Variants in MYRIP observed in about 807,000 individuals in gnomAD.
The protein encoded by MYRIP is rab effector MyRIP.
MYRIP carries 49 observed loss-of-function variants against 98.0 expected under a neutral mutation model. The ratio of observed to expected loss-of-function variants is 0.50; its 90% CI spans 0.40 to 0.63. The LOEUF (loss-of-function observed/expected upper bound fraction) is 0.63, where lower values mean the gene tolerates loss of function less well. MYRIP is among the 30% of genes least tolerant of loss of function. MYRIP has a pLI of 0.00. For synonymous variants in MYRIP, 404 were observed against 409.5 expected, an observed-to-expected ratio of 0.99 and a Z score of 0.16; for missense variants, 1,004 against 1,058.2, an observed-to-expected ratio of 0.95 and a Z score of 0.71.
At chr3:40,021,002 C>T (rs1315440467) in intron 2 of MYRIP, among the ~76,000 whole-genome samples, 2 of 152,108 alleles carry the variant, frequency 1.3e-5, no homozygotes, top group African/African-American at 4.8e-5. Flanking sequence ...CTCTTCTCTA[C>T]CTCCACAGAT....
At chr3:39,956,475 A>G (rs1559536047) in intron 2 of MYRIP, among the ~76,000 whole-genome samples, 2 of 152,208 alleles carry the variant, frequency 1.3e-5, no homozygotes, top group Non-Finnish European at 2.9e-5. Flanking sequence ...GTTCTTTGAA[A>G]CCAACAAGAA....
intron 9 of MYRIP, among the ~76,000 whole-genome samples, chr3:40,185,502 C>G (rs1018668001): frequency 6.6e-6 from 1 of 151,956 alleles, no homozygotes; most frequent in African/African-American, 2.4e-5. Flanking sequence ...CCTGATGGAC[C>G]GGGAGACTGT....
At chr3:40,146,096 T>A (rs944513022) in intron 3 of MYRIP, among the ~76,000 whole-genome samples, 6 of 152,226 alleles carry the variant, frequency 3.9e-5, no homozygotes, top group African/African-American at 1.2e-4. Context: ...ATATACTGAT[T>A]ATTGTTGTAA....
intron 2 of MYRIP, among the ~76,000 whole-genome samples, chr3:39,958,659 A>C (rs1559537249): frequency 6.6e-6 from 1 of 152,240 alleles, no homozygotes; most frequent in Non-Finnish European, 1.5e-5. Flanking sequence ...CAATGGCAAC[A>C]AAAGCCAAAA....
At chr3:40,006,657 G>T (rs1946642677) in intron 2 of MYRIP, among the ~76,000 whole-genome samples, 1 of 152,150 alleles carries the variant, frequency 6.6e-6, no homozygotes, top group South Asian at 2.1e-4. Context: ...CTTCCTGGGA[G>T]TTTTCATGTT....
intron 1 of MYRIP, among the ~76,000 whole-genome samples, chr3:39,888,413 A>G (rs1046865131): frequency 2.0e-4 from 30 of 151,936 alleles, no homozygotes; most frequent in African/African-American, 7.0e-4. Context: ...AACCTGAGAA[A>G]AACAAGCAAT....
chr3:40,154,088 C>T (rs1347977180), intron 4 of MYRIP, among the ~76,000 whole-genome samples: 6 of 150,948 alleles, frequency 4.0e-5, no homozygotes, highest in South Asian at 2.1e-4. Context: ...TGCAGTGAGC[C>T]GAGATTGCAC....
intron 5 of MYRIP, among the ~76,000 whole-genome samples, chr3:40,166,080 C>T (rs748953751): frequency 6.6e-6 from 1 of 152,140 alleles, no homozygotes; most frequent in African/African-American, 2.4e-5. Context: ...AAACTCTGGG[C>T]TTGGTGCCTG....
intron 12 of MYRIP, among the ~76,000 whole-genome samples, chr3:40,241,560 T>C (rs1953015667): frequency 6.6e-6 from 1 of 152,174 alleles, no homozygotes; most frequent in African/African-American, 2.4e-5. Flanking sequence ...GAGATACATA[T>C]TAGTACATTA....
chr3:39,873,458 T>A (rs929900876), intron 1 of MYRIP, among the ~76,000 whole-genome samples: 2 of 152,216 alleles, frequency 1.3e-5, no homozygotes, highest in African/African-American at 4.8e-5. Context: ...CTTCTAGGAT[T>A]TTTATGGTTT....
At chr3:40,213,467 T>TG (rs1313291331) in intron 11 of MYRIP, among the ~76,000 whole-genome samples, 1 of 152,182 alleles carries the variant, frequency 6.6e-6, no homozygotes, top group Non-Finnish European at 1.5e-5. Context: ...TGTCATGCTG[T>TG]GGGTCTGTAA....
chr3:40,012,605 G>A (rs1946783340), intron 2 of MYRIP, among the ~76,000 whole-genome samples: 1 of 152,190 alleles, frequency 6.6e-6, no homozygotes, highest in Non-Finnish European at 1.5e-5. Flanking sequence ...TAGTGAAGCA[G>A]ATCATTCTCC....
intron 3 of MYRIP, among the ~76,000 whole-genome samples, chr3:40,107,659 A>T (rs1196970524): frequency 1.3e-5 from 2 of 152,200 alleles, no homozygotes; most frequent in Admixed American, 1.3e-4. Flanking sequence ...CAAAAATTAT[A>T]GGTATCCCTG....
intron 1 of MYRIP, among the ~76,000 whole-genome samples, chr3:39,878,042 G>T (rs1254427705): frequency 5.9e-5 from 9 of 152,338 alleles, no homozygotes; most frequent in African/African-American, 2.2e-4. Context: ...AGCAAGCCTG[G>T]GCAATGGCAG....
At chr3:40,178,362 A>G (rs1950813977) in intron 8 of MYRIP, among the ~76,000 whole-genome samples, 1 of 152,314 alleles carries the variant, frequency 6.6e-6, no homozygotes, top group East Asian at 1.9e-4. Flanking sequence ...AAGCTTCGGG[A>G]CCAGTTGGTT....
At chr3:40,147,146 T>C (rs762652302) in intron 3 of MYRIP, among the ~76,000 whole-genome samples, 20 of 152,218 alleles carry the variant, frequency 1.3e-4, no homozygotes, top group Non-Finnish European at 2.6e-4. Flanking sequence ...CTTTAATGAA[T>C]AGTTCACTTT....
intron 1 of MYRIP, among the ~76,000 whole-genome samples, chr3:39,849,514 G>A (rs773374126): frequency 9.2e-5 from 14 of 152,302 alleles, no homozygotes; most frequent in Admixed American, 4.6e-4. Flanking sequence ...CAGCCTTCCC[G>A]GAGTGGAGAT....
At chr3:39,984,521 C>T (rs1036756369) in intron 2 of MYRIP, among the ~76,000 whole-genome samples, 3 of 152,258 alleles carry the variant, frequency 2.0e-5, no homozygotes, top group African/African-American at 7.2e-5. Context: ...ATGATGATTT[C>T]CAATTTCATC....
intron 16 of MYRIP, among the ~76,000 whole-genome samples, chr3:40,255,293 A>G (rs1292750910): frequency 6.6e-6 from 1 of 152,196 alleles, no homozygotes; most frequent in East Asian, 1.9e-4. Flanking sequence ...GGAAGGGGGA[A>G]CAGGAAGAAA....
Sources: allele counts gnomAD v4.1 joint callset (sites outside exome capture counted in the v4.1 genomes callset), GRCh38; gene constraint gnomAD v4.1.1; transcripts MANE v1.5; gene names NCBI Gene and HGNC (gene_info 2026-07-23, HGNC 2026-07-21).